NCALD: variants seen among roughly 807,000 people sequenced by gnomAD.
The protein encoded by NCALD is neurocalcin-delta.
NCALD carries 10 observed loss-of-function variants against 18.6 expected under a neutral mutation model. The observed-to-expected ratio is 0.54, with a 90% CI of 0.33 to 0.91. The LOEUF (loss-of-function observed/expected upper bound fraction) is 0.91. NCALD is among the 40% of genes least tolerant of loss of function. The pLI, the probability that NCALD is intolerant of heterozygous loss-of-function variation, is 0.03. For missense variants in NCALD, 184 were observed against 247.6 expected (o/e 0.74, Z 1.72); for synonymous variants, 88 against 87.4 (o/e 1.01, Z -0.04).
At chr8:102,088,658 C>G (rs1216252248) in intron 1 of NCALD, among the ~76,000 whole-genome samples, 1 of 151,996 alleles carries the variant, frequency 6.6e-6, no homozygotes, top group Non-Finnish European at 1.5e-5. Context: ...CTTTCAAAAT[C>G]TAAGGCTTTG....
intron 1 of NCALD, among the ~76,000 whole-genome samples, chr8:101,759,572 G>A (rs1005681800): frequency 6.6e-6 from 1 of 152,108 alleles, no homozygotes; most frequent in Non-Finnish European, 1.5e-5. Flanking sequence ...CTGCTGTCAG[G>A]GCTAGGAGAG....
At chr8:101,786,187 A>G (rs1812219939) in intron 1 of NCALD, 1 of 152,196 alleles carries the variant, frequency 6.6e-6, no homozygotes, top group Non-Finnish European at 1.5e-5. Flanking sequence ...GGTCTGGCTC[A>G]ATGCCTGACA....
intron 2 of NCALD, among the ~76,000 whole-genome samples, chr8:101,983,325 A>G (rs1159718182): frequency 6.6e-6 from 1 of 152,136 alleles, no homozygotes; most frequent in African/African-American, 2.4e-5. Flanking sequence ...TTTCTTTAGG[A>G]AAGGTTATTT....
At chr8:101,787,704 C>T (rs981601659) in intron 1 of NCALD, among the ~76,000 whole-genome samples, 2 of 152,168 alleles carry the variant, frequency 1.3e-5, no homozygotes, top group East Asian at 1.9e-4. Context: ...TAAGGTTCTG[C>T]ATTCAGATAC....
intron 2 of NCALD, among the ~76,000 whole-genome samples, chr8:101,972,943 A>T (rs910552362): frequency 6.6e-6 from 1 of 152,120 alleles, no homozygotes; most frequent in Admixed American, 6.6e-5. Flanking sequence ...TCACTTTAAG[A>T]GGAATTGGAT....
chr8:102,050,964 A>C (rs1478318600), intron 1 of NCALD, among the ~76,000 whole-genome samples: 1 of 148,544 alleles, frequency 6.7e-6, no homozygotes, highest in East Asian at 1.9e-4. Context: ...ATATATACAA[A>C]AATATCTAGC....
chr8:101,755,868 G>A (rs1352555797), intron 1 of NCALD, among the ~76,000 whole-genome samples: 1 of 152,194 alleles, frequency 6.6e-6, no homozygotes, highest in Non-Finnish European at 1.5e-5. Context: ...TAAATCAGAT[G>A]ACTCTTTTAC....
At chr8:101,704,058 T>C (rs2130189197) in intron 2 of NCALD, among the ~76,000 whole-genome samples, 1 of 152,248 alleles carries the variant, frequency 6.6e-6, no homozygotes, top group Admixed American at 6.5e-5. Context: ...CTGGCCTCAG[T>C]AGTGGGAATA....
chr8:101,740,735 C>A (rs187802835), intron 1 of NCALD, among the ~76,000 whole-genome samples: 1 of 152,206 alleles, frequency 6.6e-6, no homozygotes, highest in East Asian at 1.9e-4. Context: ...ACAAAGCCTC[C>A]CCACATCTCT....
chr8:101,800,934 G>A (rs1439483380), intron 4 of NCALD, among the ~76,000 whole-genome samples: 2 of 85,386 alleles, frequency 2.3e-5, no homozygotes, highest in African/African-American at 9.3e-5. Context: ...AGAAGGGGAG[G>A]GGAGAGGAAG....
chr8:101,758,209 G>A (rs1381342890), intron 1 of NCALD, among the ~76,000 whole-genome samples: 3 of 151,888 alleles, frequency 2.0e-5, no homozygotes, highest in African/African-American at 2.4e-5. Context: ...TTGTAATCTG[G>A]CCCCAGCCTG....
intron 2 of NCALD, among the ~76,000 whole-genome samples, chr8:102,001,456 G>T (rs2132027040): frequency 1.3e-5 from 2 of 152,310 alleles, no homozygotes; most frequent in South Asian, 4.1e-4. Context: ...CACTCTGCAG[G>T]ATATTGTCCA....
chr8:101,758,764 G>A (rs1473470066), intron 1 of NCALD, among the ~76,000 whole-genome samples: 4 of 152,178 alleles, frequency 2.6e-5, no homozygotes, highest in Non-Finnish European at 4.4e-5. Flanking sequence ...TCAATAGCAG[G>A]CCTGGTGTTT....
chr8:102,116,803 T>A (rs903265184), intron 1 of NCALD, among the ~76,000 whole-genome samples: 27 of 152,266 alleles, frequency 1.8e-4, no homozygotes, highest in African/African-American at 5.5e-4. Context: ...CCACTGGGCC[T>A]GGCCATAACC....
chr8:101,872,184 T>C (rs375156657), intron 4 of NCALD: 89 of 1,600,062 alleles, frequency 5.6e-5, no homozygotes, highest in East Asian at 4.9e-4. Flanking sequence ...GGGGAATTCC[T>C]CGTTTGCAAA....
chr8:102,088,674 T>C (rs1824821853), intron 1 of NCALD, among the ~76,000 whole-genome samples: 1 of 151,840 alleles, frequency 6.6e-6, no homozygotes, highest in African/African-American at 2.4e-5. Flanking sequence ...CTTTGTTCTG[T>C]TTTCCATTGC....
intron 1 of NCALD, among the ~76,000 whole-genome samples, chr8:101,775,060 C>CAGTTGTG (rs1811737477): frequency 6.6e-6 from 1 of 152,120 alleles, no homozygotes; most frequent in Non-Finnish European, 1.5e-5. Context: ...GTTGTTTTCC[C>CAGTTGTG]AGTTGTGTAG....
chr8:101,883,422 ACT>A (rs1466270672), intron 4 of NCALD, among the ~76,000 whole-genome samples: 4 of 151,782 alleles, frequency 2.6e-5, no homozygotes, highest in Middle Eastern at 3.2e-3. Flanking sequence ...TCAGTGTTAG[ACT>A]CTGTGAGTTT....
At chr8:101,916,541 T>A (rs1054963489) in intron 2 of NCALD, among the ~76,000 whole-genome samples, 1 of 152,136 alleles carries the variant, frequency 6.6e-6, no homozygotes. Context: ...TGAATGCAAG[T>A]GGTTTCAATG....
Sources: allele counts gnomAD v4.1 joint callset (sites outside exome capture counted in the v4.1 genomes callset), GRCh38; gene constraint gnomAD v4.1.1; transcripts MANE v1.5; gene names NCBI Gene and HGNC (gene_info 2026-07-23, HGNC 2026-07-21).